The following CACNA1E variants were observed in gnomAD, a reference collection of about 807,000 sequenced individuals.
CACNA1E encodes calcium voltage-gated channel subunit alpha1 E, also known as voltage-dependent R-type calcium channel subunit alpha-1E.
Under a neutral mutation model 259.2 loss-of-function variants are expected in CACNA1E, and 40 were observed. That is an observed-to-expected ratio of 0.15 (90% CI 0.12 to 0.20). The LOEUF is 0.20. Ranked by LOEUF, CACNA1E falls within the 10% of genes least tolerant of loss-of-function variation. CACNA1E has a pLI of 1.00. For synonymous variants in CACNA1E, 1,104 were observed against 1,138.5 expected, an observed-to-expected ratio of 0.97 and a Z score of 0.61; for missense variants, 1,874 against 3,040.1, an observed-to-expected ratio of 0.62 and a Z score of 9.02.
At chr1:181,419,715 G>A (rs1258863264) in intron 2 of CACNA1E, among the ~76,000 whole-genome samples, 3 of 152,202 alleles carry the variant, frequency 2.0e-5, no homozygotes, top group Non-Finnish European at 4.4e-5. Context: ...AACATATTGA[G>A]GGGAATTGAT....
rs565221866 is a variant in CACNA1E, at chr1:181,673,993, G to A, written c.1055+22552G>A. 3.0e-4 allele frequency among the ~76,000 whole-genome samples: 46 copies of A among 152,106 alleles called. No individual in the cohort carries two copies. The South Asian group carries it at 9.3e-3, about 31-fold the overall frequency. ...GTTCCCCAGCCACACAGCTAATCCTGTTAGGGCCAATTTAGGCAATACAAG... is the reference window on the plus strand; with the variant it reads ...GTTCCCCAGCCACACAGCTAATCCTATTAGGGCCAATTTAGGCAATACAAG... On this transcript the variant is annotated intron_variant, in intron 7 of 47. Transcript: ENST00000367573.
At chr1:181,791,358 A>G (rs1363953813) in intron 44 of CACNA1E, among the ~76,000 whole-genome samples, 5 of 152,218 alleles carry the variant, frequency 3.3e-5, no homozygotes, top group African/African-American at 9.6e-5. Context: ...CTGTGGTTCC[A>G]GCTACTCAGG....
At chr1:181,772,860 C>CTATAAA (rs1558373482) in intron 37 of CACNA1E, among the ~76,000 whole-genome samples, 1 of 152,162 alleles carries the variant, frequency 6.6e-6, no homozygotes, top group Admixed American at 6.5e-5. Context: ...GTGGAGCATA[C>CTATAAA]CCACCTATAA....
intron 2 of CACNA1E, among the ~76,000 whole-genome samples, chr1:181,430,968 A>G (rs1457656326): frequency 6.6e-6 from 1 of 152,192 alleles, no homozygotes; most frequent in Non-Finnish European, 1.5e-5. Flanking sequence ...ATAACATTAG[A>G]TTTCTAGAAA....
chr1:181,379,075 C>T (rs1039664366), intron 1 of CACNA1E, among the ~76,000 whole-genome samples: 2 of 152,102 alleles, frequency 1.3e-5, no homozygotes, highest in African/African-American at 2.4e-5. Context: ...ACATTAAAAT[C>T]ATTATTATAA....
At chr1:181,574,921 A>G (rs1650804919) in intron 3 of CACNA1E, among the ~76,000 whole-genome samples, 2 of 152,022 alleles carry the variant, frequency 1.3e-5, no homozygotes, top group Admixed American at 6.6e-5. Context: ...GCTACTCGGG[A>G]GGCTGAGGCA....
chr1:181,556,894 T>C (rs1648782830), intron 3 of CACNA1E, among the ~76,000 whole-genome samples: 1 of 152,216 alleles, frequency 6.6e-6, no homozygotes, highest in Non-Finnish European at 1.5e-5. Context: ...TGCTAGTTTA[T>C]AGCCTTTCCT....
chr1:181,439,389 T>C (rs1190303764), intron 2 of CACNA1E, among the ~76,000 whole-genome samples: 1 of 151,698 alleles, frequency 6.6e-6, no homozygotes. Context: ...CCTGCTTGAG[T>C]AGGCCATGAC....
chr1:181,358,331 C>A (rs1043766471), intron 1 of CACNA1E, among the ~76,000 whole-genome samples: 1 of 152,252 alleles, frequency 6.6e-6, no homozygotes, highest in African/African-American at 2.4e-5. Context: ...AGCTTGGAAC[C>A]TGGAAGTGTA....
chr1:181,619,151 A>G (rs1047229401), intron 6 of CACNA1E, among the ~76,000 whole-genome samples: 5 of 149,180 alleles, frequency 3.4e-5, no homozygotes, highest in African/African-American at 1.0e-4. Context: ...AATCATATAC[A>G]TAGTGCATTA....
intron 12 of CACNA1E, among the ~76,000 whole-genome samples, chr1:181,719,143 T>C (rs1390120990): frequency 6.6e-6 from 1 of 152,244 alleles, no homozygotes; most frequent in Non-Finnish European, 1.5e-5. Flanking sequence ...GCTGTCAGGA[T>C]TAATAGTTGT....
chr1:181,454,242 G>A (rs955406557), intron 2 of CACNA1E, among the ~76,000 whole-genome samples: 56 of 152,208 alleles, frequency 3.7e-4, no homozygotes, highest in African/African-American at 1.3e-3. Context: ...GTATGGTGGA[G>A]TGAGGGTCTA....
intron 3 of CACNA1E, among the ~76,000 whole-genome samples, chr1:181,545,591 C>T (rs1010721010): frequency 2.6e-5 from 4 of 152,124 alleles, no homozygotes; most frequent in Non-Finnish European, 4.4e-5. Flanking sequence ...TCCCTTAGGG[C>T]AGGGGGCAGG....
intron 47 of CACNA1E, among the ~76,000 whole-genome samples, chr1:181,797,256 A>C (rs993388467): frequency 6.6e-6 from 1 of 152,226 alleles, no homozygotes; most frequent in Non-Finnish European, 1.5e-5. Context: ...CACAAGTCAG[A>C]GCAGTTCACC....
At chr1:181,710,035 C>G (rs1359409434) in intron 7 of CACNA1E, among the ~76,000 whole-genome samples, 1 of 152,128 alleles carries the variant, frequency 6.6e-6, no homozygotes, top group Non-Finnish European at 1.5e-5. Flanking sequence ...TCAGGGAGCC[C>G]TTAGTCCTCT....
chr1:181,784,768 G>A lies in CACNA1E; in HGVS notation c.5578G>A (p.Ala1860Thr), dbSNP rs1057524055. 6.4e-7 allele frequency: 1 copy of A among 1,553,070 alleles called. No individual in the cohort carries two copies. Among genetic ancestry groups the A allele is most frequent in the Non-Finnish European group, 8.7e-7 (1 of 1,143,102 alleles). Reference protein sequence around the residue: ...MLDLLVPMPKASDLTVGKIYA... With the variant: ...MLDLLVPMPKTSDLTVGKIYA... ...GGATCTGCTTGTGCCCATGCCCAAA[G>A]GTTTGGGTCTTCTCCTGGGTATCCT... Residue 1860 changes from alanine to threonine, a missense_variant and splice_region_variant, in exon 41 of 48, where the codon GCC (alanine) becomes ACC (threonine). This residue lies in a region of CACNA1E where 147 missense variants were observed against 337.1 expected (regional missense o/e 0.44). Coordinates refer to ENST00000367573, the MANE Select transcript of CACNA1E (RefSeq NM_001205293.3).
chr1:181,551,521 A>C (rs1648152370), intron 3 of CACNA1E, among the ~76,000 whole-genome samples: 1 of 152,214 alleles, frequency 6.6e-6, no homozygotes, highest in South Asian at 2.1e-4. Flanking sequence ...CAGCTCAGCC[A>C]GCTGAAACCT....
intron 1 of CACNA1E, among the ~76,000 whole-genome samples, chr1:181,508,390 C>T (rs889341816): frequency 6.6e-6 from 1 of 152,196 alleles, no homozygotes; most frequent in Non-Finnish European, 1.5e-5. Flanking sequence ...TGCGTGTTGC[C>T]AGTTCTCTTT....
intron 8 of CACNA1E, among the ~76,000 whole-genome samples, chr1:181,712,408 A>T (rs3766995): frequency 0.6 from 91,486 of 152,026 alleles, 28,582 homozygotes; most frequent in East Asian, 0.79. Flanking sequence ...AATTTGGAGT[A>T]TGATTTAGTG....
Sources: allele counts gnomAD v4.1 joint callset (sites outside exome capture counted in the v4.1 genomes callset), GRCh38; gene constraint gnomAD v4.1.1; regional missense constraint gnomAD v4.1.1; transcripts MANE v1.5; gene names NCBI Gene and HGNC (gene_info 2026-07-23, HGNC 2026-07-21).